INTU: variants seen among roughly 807,000 people sequenced by gnomAD.
INTU encodes the protein inturned planar cell polarity protein.
A neutral mutation model predicts 100.5 loss-of-function variants in INTU; 68 were observed. The observed-to-expected ratio is 0.68, with a 90% confidence interval of 0.56 to 0.83. INTU has a LOEUF of 0.83. Among genes scored for constraint, INTU ranks in the 40% least tolerant of loss-of-function variants. The pLI, the probability that INTU is intolerant of heterozygous loss-of-function variation, is 0.00. For missense variants in INTU, 1,071 were observed against 1,114.7 expected (o/e 0.96, Z 0.56); for synonymous variants, 357 against 395.7 (o/e 0.90, Z 1.16).
At chr4:127,666,359 T>A (rs1728697840) in intron 4 of INTU, among the ~76,000 whole-genome samples, 1 of 152,136 alleles carries the variant, frequency 6.6e-6, no homozygotes, top group Non-Finnish European at 1.5e-5. Context: ...TGACTAAACT[T>A]ATTGCTTGAT....
At chr4:127,646,061 G>C (rs1193696260) in intron 2 of INTU, among the ~76,000 whole-genome samples, 2 of 151,872 alleles carry the variant, frequency 1.3e-5, no homozygotes, top group African/African-American at 4.8e-5. Context: ...GTGCATGCCT[G>C]TAATCTCAGC....
At chr4:127,703,321 T>C (rs1044791694) in intron 9 of INTU, among the ~76,000 whole-genome samples, 5 of 152,204 alleles carry the variant, frequency 3.3e-5, no homozygotes, top group African/African-American at 1.2e-4. Flanking sequence ...CTTATAAAAG[T>C]AATAGCTGTG....
In INTU at chr4:127,722,281, C is replaced by A. The variant is rs973303564; in HGVS notation, c.*5845C>A. 2 of 152,422 alleles carry A rather than the reference C, an allele frequency of 1.3e-5. No individual in the cohort carries two copies. The highest frequency in any genetic ancestry group is 4.8e-5 in the African/African-American group (2 of 41,458). The allele number at this position is 152,422 out of a possible 1,614,324, so 9.4% of individuals were successfully genotyped here. A position where few individuals can be genotyped will look rare whatever the true frequency, so the allele number is the denominator to read the frequency against. On this transcript the variant is annotated 3_prime_UTR_variant, in exon 16 of 16. Transcript: ENST00000335251. ...GTCTCTCGTCTTCCAGGAGATATCACCAGTGGAGGCTGCAGACCAGCAAAG... is the reference window on the plus strand; with the variant it reads ...GTCTCTCGTCTTCCAGGAGATATCAACAGTGGAGGCTGCAGACCAGCAAAG...
intron 5 of INTU, among the ~76,000 whole-genome samples, chr4:127,673,913 G>GT (rs1729050819): frequency 6.8e-6 from 1 of 147,668 alleles, no homozygotes; most frequent in African/African-American, 2.5e-5. Flanking sequence ...AGAGTTTTCT[G>GT]TTTTTTTGTT....
rs369508934 is a variant in INTU at position 127,688,662 on chromosome 4, G to A, written c.1449+795G>A. Among the ~76,000 whole-genome samples the A allele has an allele frequency of 2.0e-5, 3 of 152,130 alleles. No individual in the cohort carries two copies. In the South Asian group the frequency reaches 6.2e-4, roughly 31 times the overall value. On this transcript the variant is annotated intron_variant, in intron 8 of 15. Coordinates refer to ENST00000335251, the MANE Select transcript of INTU (RefSeq NM_015693.4). ...CAGCTTAATAGTTATTTAAATTGAT[G>A]TATCAATCACTTTGCTCAGTTTCCT...
At chr4:127,657,610 G>T (rs964860437) in intron 3 of INTU, among the ~76,000 whole-genome samples, 1 of 152,044 alleles carries the variant, frequency 6.6e-6, no homozygotes, top group Admixed American at 6.6e-5. Flanking sequence ...TCCACCTCCT[G>T]TTAGATCAGG....
At chr4:127,654,315 T>A (rs1322430833) in intron 2 of INTU, among the ~76,000 whole-genome samples, 2 of 152,206 alleles carry the variant, frequency 1.3e-5, no homozygotes, top group East Asian at 3.8e-4. Context: ...TTCTTCGTAG[T>A]CTCAATGGTC....
intron 8 of INTU, among the ~76,000 whole-genome samples, chr4:127,690,353 T>C (rs1730061054): frequency 6.6e-6 from 1 of 152,250 alleles, no homozygotes; most frequent in South Asian, 2.1e-4. Flanking sequence ...TTGCTTATCT[T>C]GCCAGTGCTT....
Position 127,633,045 on chromosome 4 carries a change from T to C in INTU, c.11T>C (p.Val4Ala). MAS[V>A]ASCDSRPSSD... The stretch of plus-strand genomic sequence containing the variant: ...ATTGCATTCCTGACGATGGCCTCTG[T>C]GGCTTCGTGCGATTCGCGTCCGAGC... The change falls in exon 1 of 16, where the codon GTG (valine) becomes GCG (alanine). Residue 4 changes from valine to alanine, a missense_variant. Val to Ala is a moderately conservative substitution (Grantham distance 64, BLOSUM62 0). Coordinates refer to ENST00000335251, the MANE Select transcript of INTU (RefSeq NM_015693.4). 6.2e-7 allele frequency: 1 copy of C among 1,613,360 alleles called. No individual in the cohort carries two copies. Among genetic ancestry groups the C allele is most frequent in the South Asian group, 1.1e-5 (1 of 91,044 alleles).
Position 127,706,639 on chromosome 4 carries a change from A to G in INTU, c.1941A>G (p.Ala647=). The G allele has an allele frequency of 1.2e-6, 2 of 1,614,142 alleles. No individual in the cohort carries two copies. Among genetic ancestry groups the G allele is most frequent in the Middle Eastern group, 1.7e-4 (1 of 6,056 alleles). ...ATTCTCGCATAGATGAACGGCTAGC[A>G]TCTTCTCCAGTCCCCTGTTTGTCTT... ...GVDSRIDERL[A]SSPVPCLSCA... is the part of the protein sequence containing the mutation. Residue 647 remains alanine (A), a synonymous_variant, in exon 12 of 16, where the codon GCA becomes GCG. Coordinates refer to ENST00000335251, the MANE Select transcript of INTU (RefSeq NM_015693.4).
rs375562528 is a variant in INTU, at chr4:127,654,280, G to T, written c.683-2356G>T. 3.6e-3 allele frequency among the ~76,000 whole-genome samples: 552 copies of T among 152,180 alleles called. 3 individuals carry two copies. Among genetic ancestry groups the T allele is most frequent in the African/African-American group, 0.01 (428 of 41,514 alleles). The stretch of plus-strand genomic sequence containing the variant: ...TCCTGTCATTATGATGTTAGCTGGT[G>T]ATTTTGCTCGTTAGTTGATGCAGTT... On this transcript the variant is annotated intron_variant, in intron 2 of 15. Coordinates refer to ENST00000335251, the MANE Select transcript of INTU (RefSeq NM_015693.4).
rs184981849 is a variant in INTU, at chr4:127,719,693, T to C, written c.*3257T>C. 56 of 152,336 alleles carry C rather than the reference T, an allele frequency of 3.7e-4. No individual in the cohort carries two copies. Among genetic ancestry groups the C allele is most frequent in the African/African-American group, 1.3e-3 (55 of 41,584 alleles). 9.4% of individuals were successfully genotyped at this position (152,336 alleles called of 1,614,324 possible). A position where few individuals can be genotyped will look rare whatever the true frequency, so the allele number is the denominator to read the frequency against. On this transcript the variant is annotated 3_prime_UTR_variant, in exon 16 of 16. Transcript: ENST00000335251. The stretch of plus-strand genomic sequence containing the variant: ...TTGGTCTATTCAGTGATTCAACTTC[T>C]TCCTGGTTCAGTCTTGGGAGGGTGT...
rs1483665368 is a variant in INTU at position 127,720,806 on chromosome 4, C to A, written c.*4370C>A. On this transcript the variant is annotated 3_prime_UTR_variant, in exon 16 of 16. Transcript: ENST00000335251. ...ACTAGGATTGCAGCCTCTCCTTTTT[C>A]TGTTTTCCTTTTGCTTGGTAGATTT... is the stretch of plus-strand genomic sequence containing the variant. 6.6e-6 allele frequency: 1 copy of A among 151,730 alleles called. No homozygotes were observed. Among genetic ancestry groups the A allele is most frequent in the Non-Finnish European group, 1.5e-5 (1 of 67,866 alleles). The allele number at this position is 151,730 out of a possible 1,614,324, so 9.4% of individuals were successfully genotyped here.
chr4:127,696,161 T>C (rs1730373395), intron 8 of INTU, among the ~76,000 whole-genome samples: 1 of 152,204 alleles, frequency 6.6e-6, no homozygotes, highest in Non-Finnish European at 1.5e-5. Context: ...TTTGTTTTTT[T>C]CTTATAATGT....
chr4:127,707,635 T>TTGTGTG (rs1365548261), intron 12 of INTU, among the ~76,000 whole-genome samples: 4 of 151,754 alleles, frequency 2.6e-5, no homozygotes, highest in African/African-American at 9.7e-5. Flanking sequence ...ATGTGTGTAT[T>TTGTGTG]TGTGTGTCTG....
Position 127,706,748 on chromosome 4 carries a change from T to C in INTU, c.2050T>C (p.Ser684Pro). 2 of 1,614,106 alleles carry C rather than the reference T, an allele frequency of 1.2e-6. No homozygotes were observed. The highest frequency in any genetic ancestry group is 1.7e-6 in the Non-Finnish European group (2 of 1,179,990). ...SPILSRLQGT[S>P]KVATSPTCRR... ...TATTCTCAGTAGGCTACAAGGTACT[T>C]CCAAAGTAGCAACTTCTCCAACATG... The change falls in exon 12 of 16, where the codon TCC (serine) becomes CCC (proline). Residue 684 changes from serine to proline, a missense_variant. By Grantham distance (74) the Ser-to-Pro change is moderately conservative (BLOSUM62 -1). Coordinates refer to ENST00000335251, the MANE Select transcript of INTU (RefSeq NM_015693.4).
In INTU at chr4:127,724,102, T is replaced by G. The variant is rs1731385196; in HGVS notation, c.*7666T>G. 6.6e-6 allele frequency: 1 copy of G among 151,998 alleles called. No homozygotes were observed. The highest frequency in any genetic ancestry group is 1.5e-5 in the Non-Finnish European group (1 of 68,000). 9.4% of individuals were successfully genotyped at this position (151,998 alleles called of 1,614,324 possible). ...AGACACTGAAAAAGTTAACTAAAAT[T>G]CTATGGTGACTTCTTTTATAAAATA... On this transcript the variant is annotated 3_prime_UTR_variant, in exon 16 of 16. Transcript: ENST00000335251.
chr4:127,661,094 A>G (rs1197737438), intron 3 of INTU, among the ~76,000 whole-genome samples: 5 of 152,172 alleles, frequency 3.3e-5, no homozygotes, highest in Non-Finnish European at 7.3e-5. Context: ...TTAAATCAGA[A>G]GAATAGTGGC....
chr4:127,711,164 G>GATTAGATAACAGAATGC, intron 14 of INTU, 62 bp downstream of exon 14: 1 of 1,245,566 alleles, frequency 8.0e-7, no homozygotes, highest in Non-Finnish European at 1.1e-6. Context: ...TAAGCATTCT[G>GATTAGATAACAGAATGC]TTATCTAATC....
Sources: allele counts gnomAD v4.1 joint callset (sites outside exome capture counted in the v4.1 genomes callset), GRCh38; gene constraint gnomAD v4.1.1; transcripts MANE v1.5; gene names NCBI Gene and HGNC (gene_info 2026-07-23, HGNC 2026-07-21).